LRRC8D: variants seen among roughly 807,000 people sequenced by gnomAD.
LRRC8D encodes the protein leucine rich repeat containing 8 VRAC subunit D.
A neutral mutation model predicts 55.8 loss-of-function variants in LRRC8D; 20 were observed. The observed-to-expected ratio is 0.36, with a 90% CI of 0.25 to 0.52. The LOEUF is 0.52. Ranked by LOEUF, LRRC8D falls within the 20% of genes least tolerant of loss-of-function variation. The pLI, the probability that LRRC8D is intolerant of heterozygous loss-of-function variation, is 0.93. For synonymous variants in LRRC8D, 352 were observed against 377.0 expected (o/e 0.93, Z 0.77); for missense variants, 651 against 1,030.8 (o/e 0.63, Z 5.05).
chr1:89,881,182 T>C (rs1247988671), intron 2 of LRRC8D, among the ~76,000 whole-genome samples: 1 of 152,234 alleles, frequency 6.6e-6, no homozygotes, highest in Non-Finnish European at 1.5e-5. Context: ...TTCTCCTTTA[T>C]GGTTCTTTAC....
At chr1:89,829,229 C>G (rs1660831840) in intron 1 of LRRC8D, among the ~76,000 whole-genome samples, 1 of 152,202 alleles carries the variant, frequency 6.6e-6, no homozygotes, top group Admixed American at 6.5e-5. Context: ...AGTACTTGGA[C>G]AATGTATGGA....
At chr1:89,880,010 G>A (rs1288661671) in intron 2 of LRRC8D, among the ~76,000 whole-genome samples, 1 of 152,078 alleles carries the variant, frequency 6.6e-6, no homozygotes, top group African/African-American at 2.4e-5. Context: ...AAGTAAGGTT[G>A]AAAGAGGCAA....
At chr1:89,846,069 G>A (rs1054446620) in intron 2 of LRRC8D, among the ~76,000 whole-genome samples, 4 of 152,096 alleles carry the variant, frequency 2.6e-5, no homozygotes, top group African/African-American at 9.7e-5. Flanking sequence ...GTGAGCCACT[G>A]CACCCAGCCA....
At chr1:89,872,654 C>T (rs186939594) in intron 2 of LRRC8D, among the ~76,000 whole-genome samples, 106 of 152,278 alleles carry the variant, frequency 7.0e-4, no homozygotes, top group Admixed American at 1.8e-3. Flanking sequence ...AGCTATTTAA[C>T]TTTGTTCTGG....
intron 2 of LRRC8D, among the ~76,000 whole-genome samples, chr1:89,872,015 C>T (rs895348127): frequency 2.0e-5 from 3 of 152,138 alleles, no homozygotes; most frequent in Non-Finnish European, 2.9e-5. Flanking sequence ...TTGTTCAGTT[C>T]CTTGGATGAT....
intron 2 of LRRC8D, among the ~76,000 whole-genome samples, chr1:89,925,642 AAT>A: frequency 6.6e-6 from 1 of 152,332 alleles, no homozygotes; most frequent in East Asian, 1.9e-4. Context: ...ATATTATATA[AAT>A]ATGTGTTAAA....
At position 89,911,871 on chromosome 1, in the gene LRRC8D, C is replaced by G. The variant is rs1043284086; in HGVS notation, c.-2-21196C>G. ...CTCTTTTGGCTTCTAGGCCAACATT[C>G]TCTTCATAGTTCTTGTCCTCTGACC... is the stretch of plus-strand genomic sequence containing the variant. On this transcript the variant is annotated intron_variant, in intron 2 of 2. Coordinates refer to ENST00000337338, the MANE Select transcript of LRRC8D (RefSeq NM_001134479.2). This position sits in a 1 kb window ranked among gnomAD's most constrained non-coding sequence, Gnocchi z 4.0. Among the ~76,000 whole-genome samples, 1 of 152,166 alleles carries G rather than the reference C, an allele frequency of 6.6e-6. No homozygotes were observed. The highest frequency in any genetic ancestry group is 2.4e-5 in the African/African-American group (1 of 41,440).
In LRRC8D at chr1:89,922,066, AT is replaced by A. The variant is rs921830700; in HGVS notation, c.-2-10991del. Among the ~76,000 whole-genome samples the A allele has an allele frequency of 1.6e-3, 234 of 148,960 alleles. 2 individuals are homozygous for A. Among genetic ancestry groups the A allele is most frequent in the African/African-American group, 5.5e-3 (225 of 40,790 alleles). On this transcript the variant is annotated intron_variant, in intron 2 of 2. Transcript: ENST00000337338. ...GTATCATTTGCCACCTCTTCATATAATTTTTTTTTTGGGGGAGATGGAGTTT... is the reference window on the plus strand; with the variant it reads ...GTATCATTTGCCACCTCTTCATATAATTTTTTTTTGGGGGAGATGGAGTTT...
chr1:89,849,156 G>A (rs1430201156), intron 2 of LRRC8D, among the ~76,000 whole-genome samples: 2 of 152,126 alleles, frequency 1.3e-5, no homozygotes, highest in African/African-American at 4.8e-5. Flanking sequence ...ACTAGACTAT[G>A]TAAAGAAATG....
intron 2 of LRRC8D, among the ~76,000 whole-genome samples, chr1:89,854,092 A>C (rs992775085): frequency 6.6e-6 from 1 of 152,184 alleles, no homozygotes; most frequent in African/African-American, 2.4e-5. Flanking sequence ...GGGAATTGGG[A>C]CGTTTATTCC....
intron 2 of LRRC8D, among the ~76,000 whole-genome samples, chr1:89,880,189 G>C (rs1329978120): frequency 4.0e-5 from 6 of 150,788 alleles, no homozygotes; most frequent in African/African-American, 1.5e-4. Flanking sequence ...GGAATGTTGA[G>C]TAGTCTCGTG....
chr1:89,836,099 G>A (rs933106964), intron 1 of LRRC8D, among the ~76,000 whole-genome samples: 2 of 152,140 alleles, frequency 1.3e-5, no homozygotes, highest in Non-Finnish European at 2.9e-5. Flanking sequence ...TAATAGTGCA[G>A]TTCTTCAGTC....
intron 2 of LRRC8D, among the ~76,000 whole-genome samples, chr1:89,907,776 GT>G (rs1425761015): frequency 6.6e-6 from 1 of 152,138 alleles, no homozygotes; most frequent in Non-Finnish European, 1.5e-5. Context: ...TAATTAATGT[GT>G]TTATATGTCA....
At chr1:89,862,108 C>T (rs1256021203) in intron 2 of LRRC8D, among the ~76,000 whole-genome samples, 3 of 152,080 alleles carry the variant, frequency 2.0e-5, no homozygotes. Context: ...CTGGTTATAC[C>T]GTTAGATTGT....
chr1:89,826,422 A>G (rs927028120), intron 1 of LRRC8D, among the ~76,000 whole-genome samples: 1 of 151,948 alleles, frequency 6.6e-6, no homozygotes, highest in African/African-American at 2.4e-5. Flanking sequence ...CCGCCACTGC[A>G]CACAGCTAAT....
chr1:89,877,451 T>A (rs1463638494), intron 2 of LRRC8D, among the ~76,000 whole-genome samples: 1 of 152,188 alleles, frequency 6.6e-6, no homozygotes, highest in Non-Finnish European at 1.5e-5. Flanking sequence ...GCTTTGTGAG[T>A]GTTTGCTGTT....
At chr1:89,913,972 T>C (rs1007253838) in intron 2 of LRRC8D, among the ~76,000 whole-genome samples, 1 of 152,260 alleles carries the variant, frequency 6.6e-6, no homozygotes, top group African/African-American at 2.4e-5. Context: ...GTTGTACATA[T>C]ATTCTGATAC....
intron 2 of LRRC8D, among the ~76,000 whole-genome samples, chr1:89,913,196 G>A (rs1663176568): frequency 6.6e-6 from 1 of 152,176 alleles, no homozygotes; most frequent in South Asian, 2.1e-4. Flanking sequence ...CATCCTGTTG[G>A]TCCCTCCTCA....
At chr1:89,886,378 G>T (rs1248240450) in intron 2 of LRRC8D, among the ~76,000 whole-genome samples, 2 of 152,258 alleles carry the variant, frequency 1.3e-5, no homozygotes, top group East Asian at 3.9e-4. Context: ...CTTCTTAGAA[G>T]TTTAAGTAGT....
Sources: allele counts gnomAD v4.1 joint callset (sites outside exome capture counted in the v4.1 genomes callset), GRCh38; gene constraint gnomAD v4.1.1; non-coding constraint Gnocchi (gnomAD v3.1); transcripts MANE v1.5; gene names NCBI Gene and HGNC (gene_info 2026-07-23, HGNC 2026-07-21).